GTPBP8: variants seen among roughly 807,000 people sequenced by gnomAD.
GTPBP8 encodes the protein GTP-binding protein 8.
Under a neutral mutation model 27.3 loss-of-function variants are expected in GTPBP8, and 21 were observed. The ratio of observed to expected loss-of-function variants is 0.77; its 90% CI spans 0.55 to 1.11. GTPBP8 has a LOEUF of 1.11. GTPBP8 is among the 50% of genes least tolerant of loss of function. The pLI is 0.00. For synonymous variants in GTPBP8, 147 were observed against 135.3 expected, an observed-to-expected ratio of 1.09 and a Z score of -0.60; for missense variants, 380 against 350.8, an observed-to-expected ratio of 1.08 and a Z score of -0.67.
rs777485753 is a variant in GTPBP8, at chr3:112,991,199, A to T, written c.200A>T (p.His67Leu). 1 of 1,614,162 alleles carries T rather than the reference A, an allele frequency of 6.2e-7. No individual in the cohort carries two copies. The highest frequency in any genetic ancestry group is 1.1e-5 in the South Asian group (1 of 91,086). ...FLAPYGRQDL[H>L]LRIFDPSPED... is the part of the protein sequence containing the mutation. ...GCCCCCTACGGGAGGCAAGACCTTC[A>T]CCTGCGTATCTTTGACCCAAGCCCG... The change falls in exon 1 of 6, where the codon CAC becomes CTC. Residue 67 changes from histidine (H) to leucine (L), a missense_variant. Coordinates refer to ENST00000383678, the MANE Select transcript of GTPBP8 (RefSeq NM_014170.4).
At chr3:112,993,610 ACTTT>A (rs1213166089) in intron 2 of GTPBP8, among the ~76,000 whole-genome samples, 1 of 151,978 alleles carries the variant, frequency 6.6e-6, no homozygotes, top group African/African-American at 2.4e-5. Flanking sequence ...AATTCCCTCT[ACTTT>A]CTTCTCAACG....
At chr3:112,991,823 G>A in intron 1 of GTPBP8, 1 of 229,940 alleles carries the variant, frequency 4.3e-6, no homozygotes, top group Non-Finnish European at 8.8e-6. Context: ...TTATCAATAA[G>A]TAACTTTCGC....
rs56084056 is a variant in GTPBP8 at position 112,999,819 on chromosome 3, A to C, written c.785+255A>C. 2.9e-3 allele frequency among the ~76,000 whole-genome samples: 448 copies of C among 152,096 alleles called. 1 individual carries two copies. Among genetic ancestry groups the C allele is most frequent in the African/African-American group, 0.01 (428 of 41,472 alleles). The stretch of plus-strand genomic sequence containing the variant: ...AAAGTCCATTATATCATTCTTATGC[A>C]TTTGTGTCCTCATAGCTTAGCTCCC... On this transcript the variant is annotated intron_variant, in intron 5 of 5. Coordinates refer to ENST00000383678, the MANE Select transcript of GTPBP8 (RefSeq NM_014170.4).
rs751089561 is a variant in GTPBP8, at chr3:113,000,956, A to G, written c.*37A>G. ...TTAGCTGAAGATTCAAAAAAAAAAA[A>G]AAAAGCTTTATGCTAACTGGAGTTA... On this transcript the variant is annotated 3_prime_UTR_variant, in exon 6 of 6. Transcript: ENST00000383678. The G allele has an allele frequency of 8.1e-7, 1 of 1,236,950 alleles. No individual in the cohort carries two copies. The highest frequency in any genetic ancestry group is 1.2e-6 in the Non-Finnish European group (1 of 862,038). The allele number at this position is 1,236,950 out of a possible 1,614,324, so 76.6% of individuals were successfully genotyped here.
At chr3:112,996,745 A>G in intron 3 of GTPBP8, 147 bp from the exon 4 acceptor site, 1 of 603,382 alleles carries the variant, frequency 1.7e-6, no homozygotes, top group Admixed American at 3.0e-5. Flanking sequence ...CTTCTGGCAA[A>G]TTGAGAATTC....
At chr3:112,996,285 T>C (rs1285905251) in intron 3 of GTPBP8, among the ~76,000 whole-genome samples, 1 of 149,628 alleles carries the variant, frequency 6.7e-6, no homozygotes, top group African/African-American at 2.5e-5. Flanking sequence ...TGGCAAAACC[T>C]CAACTCTACT....
At chr3:112,992,223 A>T (rs2107365162) in intron 1 of GTPBP8, 1 of 152,392 alleles carries the variant, frequency 6.6e-6, no homozygotes, top group East Asian at 1.9e-4. Flanking sequence ...CAGAGCATTT[A>T]AAATTTTTGC....
intron 4 of GTPBP8, among the ~76,000 whole-genome samples, chr3:112,997,782 A>C (rs1482216359): frequency 6.6e-6 from 1 of 152,226 alleles, no homozygotes; most frequent in Non-Finnish European, 1.5e-5. Context: ...GAAGCATTAG[A>C]GATGATTTAT....
At position 112,995,358 on chromosome 3, in the gene GTPBP8, T is replaced by C. The variant is rs531755134; in HGVS notation, c.566+93T>C. 4.0e-6 allele frequency: 3 copies of C among 752,868 alleles called. No individual in the cohort carries two copies. In the South Asian group the frequency reaches 6.5e-5, roughly 16 times the overall value. 46.6% of individuals were successfully genotyped at this position (752,868 alleles called of 1,614,324 possible). ...TTATACACATGATTAACACTTCAGTTTTATCAAATGACTTATTTTATAAGG... is the reference window on the plus strand; with the variant it reads ...TTATACACATGATTAACACTTCAGTCTTATCAAATGACTTATTTTATAAGG... On this transcript the variant is annotated intron_variant, in intron 3 of 5. Coordinates refer to ENST00000383678, the MANE Select transcript of GTPBP8 (RefSeq NM_014170.4).
chr3:112,995,263 G>A lies in GTPBP8; in HGVS notation c.564G>A (p.Arg188=), dbSNP rs1449033189. 6.9e-6 allele frequency: 11 copies of A among 1,583,506 alleles called. No homozygotes were observed. The Middle Eastern group carries it at 6.7e-4, about 97-fold the overall frequency. ...DMVETYLKER[R]NLKRTFLLVD... ...TAGAGACCTATCTAAAAGAACGAAG[G>A]AAGTAAGGAAAAGATTTTCTTATAA... is the stretch of plus-strand genomic sequence containing the variant. The change falls in exon 3 of 6, where the codon AGG becomes AGA. Residue 188 remains arginine (R), a splice_region_variant and synonymous_variant. Coordinates refer to ENST00000383678, the MANE Select transcript of GTPBP8 (RefSeq NM_014170.4).
chr3:112,991,278 C>T lies in GTPBP8; in HGVS notation c.279C>T (p.Ile93=), dbSNP rs751121777. Residue 93 remains isoleucine (I), a synonymous_variant, in exon 1 of 6, where the codon ATC becomes ATT. Coordinates refer to ENST00000383678, the MANE Select transcript of GTPBP8 (RefSeq NM_014170.4). ...TCACGGCCACTGAACGGAACCGCAT[C>T]GACTACGTCAGCTCCGCCGTCCGTA... is the stretch of plus-strand genomic sequence containing the variant. The part of the protein sequence containing the change: ...NIFTATERNR[I]DYVSSAVRID... 1.2e-6 allele frequency: 2 copies of T among 1,613,704 alleles called. No individual in the cohort carries two copies. The highest frequency in any genetic ancestry group is 1.7e-6 in the Non-Finnish European group (2 of 1,180,038).
intron 2 of GTPBP8, among the ~76,000 whole-genome samples, 195 bp from the exon 3 acceptor site, chr3:112,994,940 A>T (rs2107367771): frequency 6.6e-6 from 1 of 152,358 alleles, no homozygotes; most frequent in Middle Eastern, 3.4e-3. Context: ...AAATGAAGCG[A>T]AAAGTAGTAT....
intron 1 of GTPBP8, chr3:112,991,676 A>C (rs1933684163): frequency 2.1e-6 from 1 of 471,496 alleles, no homozygotes; most frequent in Non-Finnish European, 4.0e-6. Flanking sequence ...TTTCAAACCC[A>C]AATTAAGCAT....
At chr3:112,995,643 T>C (rs1933770871) in intron 3 of GTPBP8, among the ~76,000 whole-genome samples, 1 of 151,998 alleles carries the variant, frequency 6.6e-6, no homozygotes, top group Admixed American at 6.6e-5. Context: ...TTCAAGTGAT[T>C]CTCCCGCCTC....
At chr3:112,999,624 GTTTT>G (rs557348814) in intron 5 of GTPBP8, 60 bp downstream of exon 5, 26 of 645,938 alleles carry the variant, frequency 4.0e-5, no homozygotes, top group Middle Eastern at 2.7e-4. Context: ...AATGTTGTGG[GTTTT>G]TTTTTTATTT....
chr3:112,999,653 G>A, intron 5 of GTPBP8, 89 bp downstream of exon 5: 1 of 642,254 alleles, frequency 1.6e-6, no homozygotes, highest in South Asian at 2.3e-5. Context: ...AGTTTTTGGG[G>A]AACAGGTTTT....
At position 113,001,390 on chromosome 3, in the gene GTPBP8, ATT is replaced by A. The variant is rs1559712703; in HGVS notation, c.*473_*474del. On this transcript the variant is annotated 3_prime_UTR_variant, in exon 6 of 6. Transcript: ENST00000383678. ...TGTAAGCCTATTTTTTTGAGTCCTT[ATT>A]TGAATATTGAAAACATTCTTGATAA... is the stretch of plus-strand genomic sequence containing the variant. 1 of 152,232 alleles carries A rather than the reference ATT, an allele frequency of 6.6e-6. No individual in the cohort carries two copies. The highest frequency in any genetic ancestry group is 1.5e-5 in the Non-Finnish European group (1 of 68,108). The allele number at this position is 152,232 out of a possible 1,614,324, so 9.4% of individuals were successfully genotyped here. A position where few individuals can be genotyped will look rare whatever the true frequency, so the allele number is the denominator to read the frequency against.
intron 4 of GTPBP8, among the ~76,000 whole-genome samples, chr3:112,997,926 T>G (rs988697718): frequency 6.6e-6 from 1 of 152,250 alleles, no homozygotes; most frequent in African/African-American, 2.4e-5. Context: ...CAATTTTAAC[T>G]GAAAGGAAAT....
chr3:112,996,183 G>T (rs1021966245), intron 3 of GTPBP8, among the ~76,000 whole-genome samples: 2 of 152,104 alleles, frequency 1.3e-5, no homozygotes, highest in East Asian at 3.8e-4. Context: ...TATAGACCAG[G>T]CACGCCGGCT....
Sources: gnomAD v4.1 joint callset for allele counts (sites outside exome capture counted in the v4.1 genomes callset) on GRCh38, gnomAD v4.1.1 for gene constraint, MANE v1.5 for transcripts, NCBI Gene and HGNC (gene_info 2026-07-23, HGNC 2026-07-21) for gene names.